FARSB: variants seen among roughly 807,000 people sequenced by gnomAD.
FARSB encodes the protein phenylalanine--tRNA ligase beta subunit.
FARSB carries 40 observed loss-of-function variants against 69.6 expected under a neutral mutation model. The observed-to-expected ratio is 0.57, with a 90% CI of 0.45 to 0.75. The LOEUF (loss-of-function observed/expected upper bound fraction) is 0.75. Among genes scored for constraint, FARSB ranks in the 30% least tolerant of loss-of-function variants. The pLI, the probability that FARSB is intolerant of heterozygous loss-of-function variation, is 0.00. For synonymous variants in FARSB, 235 were observed against 247.2 expected, an observed-to-expected ratio of 0.95 and a Z score of 0.46; for missense variants, 632 against 722.9, an observed-to-expected ratio of 0.87 and a Z score of 1.44.
intron 16 of FARSB, among the ~76,000 whole-genome samples, chr2:222,585,507 T>A (rs1391908043): frequency 6.6e-6 from 1 of 152,220 alleles, no homozygotes; most frequent in African/African-American, 2.4e-5. Flanking sequence ...GGAACAAGGC[T>A]GAACAGAGAA....
chr2:222,595,122 A>C (rs1574919549), intron 16 of FARSB, among the ~76,000 whole-genome samples: 1 of 152,332 alleles, frequency 6.6e-6, no homozygotes, highest in East Asian at 1.9e-4. Context: ...GAAGCTTAAA[A>C]ACTTCCAATT....
At chr2:222,640,819 A>G (rs567825529) in intron 4 of FARSB, 43 bp downstream of exon 4, 39 of 1,089,144 alleles carry the variant, frequency 3.6e-5, no homozygotes, top group Non-Finnish European at 4.4e-5. Context: ...GACATGTACA[A>G]AAGAAAATTT....
At position 222,606,895 on chromosome 2, in the gene FARSB, G is replaced by C. The variant is rs749005961; in HGVS notation, c.1463-6812C>G. ...CCTAAAAGCCCAAAGAAAGATGCTAGGAGAAAACCTATTGGGAGACCAAAA... is the reference window on the plus strand; with the variant it reads ...CCTAAAAGCCCAAAGAAAGATGCTACGAGAAAACCTATTGGGAGACCAAAA... On this transcript the variant is annotated intron_variant, in intron 15 of 16. Transcript: ENST00000281828. Among the ~76,000 whole-genome samples, 4 of 152,282 alleles carry C rather than the reference G, an allele frequency of 2.6e-5. No individual in the cohort carries two copies. The South Asian group carries it at 8.3e-4, about 32-fold the overall frequency.
intron 16 of FARSB, among the ~76,000 whole-genome samples, chr2:222,599,685 T>A (rs1205840073): frequency 1.3e-5 from 2 of 152,164 alleles, no homozygotes; most frequent in Non-Finnish European, 2.9e-5. Context: ...TGCCAGTAAC[T>A]AGGGGTTACA....
intron 9 of FARSB, among the ~76,000 whole-genome samples, 200 bp downstream of exon 9, chr2:222,629,913 T>A (rs942439676): frequency 2.0e-5 from 3 of 152,046 alleles, no homozygotes; most frequent in African/African-American, 7.2e-5. Flanking sequence ...AGTAATTTTT[T>A]AATTTTTTGT....
chr2:222,621,287 T>C (rs1691128442), intron 13 of FARSB, among the ~76,000 whole-genome samples: 1 of 152,190 alleles, frequency 6.6e-6, no homozygotes. Flanking sequence ...TAGTACACAG[T>C]AAGAAACTTT....
chr2:222,600,122 C>T (rs1300437828), intron 15 of FARSB, 39 bp from the exon 16 acceptor site: 3 of 1,535,934 alleles, frequency 2.0e-6, no homozygotes, highest in Non-Finnish European at 1.7e-6. Flanking sequence ...GCTGTATTAA[C>T]CATTGCTTAA....
Position 222,606,651 on chromosome 2 carries a change from T to G in FARSB, c.1463-6568A>C, listed in dbSNP as rs139144098. On this transcript the variant is annotated intron_variant, in intron 15 of 16. Transcript: ENST00000281828. ...TGAAAGAACACGCCAAATGATTTTT[T>G]AACAGAAAAGAAAAAGGAGTGGTAC... is the stretch of plus-strand genomic sequence containing the variant. Among the ~76,000 whole-genome samples the G allele has an allele frequency of 3.3e-3, 498 of 152,354 alleles. 4 individuals carry two copies. Among genetic ancestry groups the G allele is most frequent in the African/African-American group, 0.011 (462 of 41,588 alleles).
In FARSB at chr2:222,568,714, C is replaced by T. The variant is rs1686609951; in HGVS notation, c.*3157G>A. ...AATTATCCAGGCATGGTGGCACACA[C>T]CTGTAGTCCCAGCTACTCGGGAAGC... On this transcript the variant is annotated 3_prime_UTR_variant, in exon 17 of 17. Coordinates refer to ENST00000281828, the MANE Select transcript of FARSB (RefSeq NM_005687.5). The surrounding 1 kb of genome is among the most constrained non-coding windows in gnomAD (Gnocchi z 4.3). 1 of 152,244 alleles carries T rather than the reference C, an allele frequency of 6.6e-6. No individual in the cohort carries two copies. Among genetic ancestry groups the T allele is most frequent in the Non-Finnish European group, 1.5e-5 (1 of 68,162 alleles). The allele number at this position is 152,244 out of a possible 1,614,324, so 9.4% of individuals were successfully genotyped here.
intron 2 of FARSB, among the ~76,000 whole-genome samples, chr2:222,646,744 C>A (rs1691873610): frequency 6.6e-6 from 1 of 152,220 alleles, no homozygotes; most frequent in Non-Finnish European, 1.5e-5. Context: ...GCTCATTTTG[C>A]AGAAATAACC....
At chr2:222,650,326 G>A (rs1691998710) in intron 1 of FARSB, among the ~76,000 whole-genome samples, 1 of 152,132 alleles carries the variant, frequency 6.6e-6, no homozygotes, top group South Asian at 2.1e-4. Flanking sequence ...TCTTCGGCTG[G>A]GCAAAAACAT....
At chr2:222,643,095 A>G in intron 2 of FARSB, 90 bp from the exon 3 acceptor site, 1 of 603,662 alleles carries the variant, frequency 1.7e-6, no homozygotes, top group Non-Finnish European at 2.8e-6. Context: ...GGCAGTAACT[A>G]CATTATACAT....
At chr2:222,579,951 T>C (rs1689926320) in intron 16 of FARSB, among the ~76,000 whole-genome samples, 1 of 152,180 alleles carries the variant, frequency 6.6e-6, no homozygotes, top group Non-Finnish European at 1.5e-5. Context: ...ATTTTACAGA[T>C]GAAGAAACTG....
In FARSB at chr2:222,648,780, T is replaced by C; in HGVS notation, c.74A>G (p.Asp25Gly). The part of the protein sequence containing the change: ...LGRTYTDEEF[D>G]ELCFEFGLEL... ...CAGACCAAATTCAAAACATAGTTCA[T>C]CAAATTCTTCGTCAGCTAGGAAAAT... Residue 25 changes from aspartate to glycine, a missense_variant, in exon 2 of 17, where the codon GAT becomes GGT. Asp to Gly is a moderately conservative substitution (Grantham distance 94, BLOSUM62 -1). Coordinates refer to ENST00000281828, the MANE Select transcript of FARSB (RefSeq NM_005687.5). The C allele has an allele frequency of 6.2e-7, 1 of 1,602,962 alleles. No individual in the cohort carries two copies. The highest frequency in any genetic ancestry group is 2.2e-5 in the East Asian group (1 of 44,794).
chr2:222,610,767 A>T (rs907580397), intron 15 of FARSB, among the ~76,000 whole-genome samples: 1 of 152,222 alleles, frequency 6.6e-6, no homozygotes, highest in Non-Finnish European at 1.5e-5. Context: ...CTGCAATTTC[A>T]TTTAATCCTT....
chr2:222,578,342 AATAATT>A (rs1438304732), intron 16 of FARSB, among the ~76,000 whole-genome samples: 1 of 152,246 alleles, frequency 6.6e-6, no homozygotes, highest in Non-Finnish European at 1.5e-5. Context: ...AGTACAGTGA[AATAATT>A]AAAAAGAGAC....
intron 5 of FARSB, among the ~76,000 whole-genome samples, chr2:222,638,505 T>C (rs1231197550): frequency 6.6e-6 from 1 of 152,240 alleles, no homozygotes; most frequent in African/African-American, 2.4e-5. Flanking sequence ...ATTGTTATTG[T>C]TTTGCTTAAT....
At chr2:222,651,251 G>C (rs1038937065) in intron 1 of FARSB, among the ~76,000 whole-genome samples, 1 of 152,162 alleles carries the variant, frequency 6.6e-6, no homozygotes, top group African/African-American at 2.4e-5. Context: ...TCAATGGGGT[G>C]ATGTAACTAA....
intron 16 of FARSB, among the ~76,000 whole-genome samples, chr2:222,591,172 G>A (rs1274143366): frequency 6.6e-6 from 1 of 150,746 alleles, no homozygotes; most frequent in Non-Finnish European, 1.5e-5. Flanking sequence ...ATCAAGCCAG[G>A]GTGCTCCAGC....
Sources: gnomAD v4.1 joint callset for allele counts (sites outside exome capture counted in the v4.1 genomes callset) on GRCh38, gnomAD v4.1.1 for gene constraint, Gnocchi (gnomAD v3.1) non-coding constraint, MANE v1.5 for transcripts, NCBI Gene and HGNC (gene_info 2026-07-23, HGNC 2026-07-21) for gene names.